The following EFCAB8 variants were observed in gnomAD, a reference collection of about 807,000 sequenced individuals.
EFCAB8 encodes EF-hand calcium binding domain 8, also known as EF-hand calcium-binding domain-containing protein 8.
Under a neutral mutation model 116.3 loss-of-function variants are expected in EFCAB8, and 100 were observed. That is an observed-to-expected ratio of 0.86 (90% confidence interval 0.73 to 1.02). EFCAB8 has a LOEUF of 1.02. EFCAB8 is among the 50% of genes least tolerant of loss of function. The pLI, the probability that EFCAB8 is intolerant of heterozygous loss-of-function variation, is 0.00. For missense variants in EFCAB8, 1,320 were observed against 1,416.9 expected, an observed-to-expected ratio of 0.93 and a Z score of 1.10; for synonymous variants, 558 against 567.9, an observed-to-expected ratio of 0.98 and a Z score of 0.25.
At chr20:32,918,720 G>T in intron 19 of EFCAB8, 146 bp downstream of exon 19, 1 of 791,596 alleles carries the variant, frequency 1.3e-6, no homozygotes, top group Non-Finnish European at 2.0e-6. Flanking sequence ...GAGCATTGTG[G>T]GCCTGGGCAG....
intron 4 of EFCAB8, 72 bp downstream of exon 4, chr20:32,876,116 G>A (rs1312990776): frequency 7.5e-7 from 1 of 1,328,326 alleles, no homozygotes; most frequent in Admixed American, 2.0e-5. Context: ...CCAGTTGGTG[G>A]GGCTGAAGAT....
chr20:32,923,974 C>G (rs41373347), intron 20 of EFCAB8, among the ~76,000 whole-genome samples: 12,633 of 152,214 alleles, frequency 0.083, 692 homozygotes, highest in Admixed American at 0.14. Flanking sequence ...CTTTTGCTAT[C>G]TTGCATTATG....
intron 13 of EFCAB8, among the ~76,000 whole-genome samples, chr20:32,907,349 C>T (rs1195031451): frequency 2.0e-5 from 3 of 151,016 alleles, no homozygotes; most frequent in Non-Finnish European, 4.4e-5. Flanking sequence ...GCATGGCAGC[C>T]GTTCCCCTGC....
chr20:32,945,850 T>C (rs1988581073), intron 23 of EFCAB8, among the ~76,000 whole-genome samples: 1 of 152,214 alleles, frequency 6.6e-6, no homozygotes, highest in African/African-American at 2.4e-5. Flanking sequence ...TACAGGAATC[T>C]ACAGGTTTAT....
chr20:32,864,704 G>T (rs1479723274), intron 2 of EFCAB8, among the ~76,000 whole-genome samples: 1 of 152,174 alleles, frequency 6.6e-6, no homozygotes, highest in East Asian at 1.9e-4. Flanking sequence ...GATAATAGTG[G>T]GATGGGCTGT....
At chr20:32,869,464 G>C (rs1301134769) in intron 3 of EFCAB8, among the ~76,000 whole-genome samples, 1 of 152,110 alleles carries the variant, frequency 6.6e-6, no homozygotes, top group East Asian at 1.9e-4. Flanking sequence ...TCGAGCTCCC[G>C]ACCTCAGGTG....
rs929950744 is a variant in EFCAB8, at chr20:32,930,594, G to A, written c.2609G>A (p.Gly870Glu). Residue 870 changes from glycine to glutamate, a missense_variant, in exon 21 of 27, where the codon GGG (glycine) becomes GAG (glutamate). Physicochemically the swap from Gly to Glu is moderately conservative, Grantham distance 98. Transcript: ENST00000400522. ...AAAAATGACTGGATCCTCATCACGGGGGATTGTAAAGGATACATCAAGGTG... is the reference window on the plus strand; with the variant it reads ...AAAAATGACTGGATCCTCATCACGGAGGATTGTAAAGGATACATCAAGGTG... ...TDKNDWILITGDCKGYIKIWD... is the reference protein window; with the variant it reads ...TDKNDWILITEDCKGYIKIWD... 3.2e-6 allele frequency: 5 copies of A among 1,552,180 alleles called. No individual in the cohort carries two copies. In the African/African-American group the frequency reaches 6.8e-5, roughly 21 times the overall value.
Position 32,931,340 on chromosome 20 carries a change from G to C in EFCAB8, c.2790+4G>C. 6.5e-7 allele frequency: 1 copy of C among 1,536,068 alleles called. No individual in the cohort carries two copies. The highest frequency in any genetic ancestry group is 1.2e-5 in the South Asian group (1 of 80,536). On this transcript the variant is annotated splice_donor_region_variant and intron_variant, in intron 22 of 26. Transcript: ENST00000400522. The stretch of plus-strand genomic sequence containing the variant: ...CATTCCCTTGGAGGATAAAGAGGTA[G>C]GAGGATTACTGGAGAGTTGCTCAGG...
chr20:32,874,801 C>A (rs929126737), intron 3 of EFCAB8, among the ~76,000 whole-genome samples: 2 of 152,134 alleles, frequency 1.3e-5, no homozygotes, highest in Non-Finnish European at 2.9e-5. Flanking sequence ...GGCTGGAGTG[C>A]GTTGGTGTGA....
chr20:32,958,784 A>G (rs1989050304), intron 24 of EFCAB8, among the ~76,000 whole-genome samples: 1 of 152,200 alleles, frequency 6.6e-6, no homozygotes, highest in Non-Finnish European at 1.5e-5. Context: ...TGAGCAGTGA[A>G]AGGGGAAAAT....
At chr20:32,930,325 T>A (rs1012346263) in intron 20 of EFCAB8, 73 bp from the exon 21 acceptor site, 34 of 1,300,940 alleles carry the variant, frequency 2.6e-5, no homozygotes, top group Non-Finnish European at 3.3e-5. Context: ...GTGTGGTGAC[T>A]TGCTGAGGTC....
chr20:32,893,220 A>G lies in EFCAB8; in HGVS notation c.805A>G (p.Asn269Asp). The stretch of plus-strand genomic sequence containing the variant: ...GTTCTGCTATGGAGACGCCAAAGGC[A>G]ACGTCATTGTCTTCACCTCCGAAAA... The part of the protein sequence containing the change: ...GVFCYGDAKG[N>D]VIVFTSENMT... Residue 269 changes from asparagine (N) to aspartate (D), a missense_variant, in exon 9 of 27, where the codon AAC becomes GAC. Physicochemically the swap from Asn to Asp is conservative, Grantham distance 23. Coordinates refer to ENST00000400522, the MANE Select transcript of EFCAB8 (RefSeq NM_001143967.2). The G allele has an allele frequency of 6.4e-7, 1 of 1,552,056 alleles. No individual in the cohort carries two copies. Among genetic ancestry groups the G allele is most frequent in the Non-Finnish European group, 8.7e-7 (1 of 1,147,076 alleles).
intron 11 of EFCAB8, among the ~76,000 whole-genome samples, chr20:32,903,114 G>A (rs144079386): frequency 6.7e-4 from 102 of 152,312 alleles, no homozygotes; most frequent in Middle Eastern, 3.4e-3. Context: ...AGCCTTCAAC[G>A]GCTCCTGGCC....
intron 23 of EFCAB8, among the ~76,000 whole-genome samples, chr20:32,956,728 GT>G (rs770361014): frequency 5.9e-5 from 9 of 152,058 alleles, no homozygotes; most frequent in Non-Finnish European, 1.2e-4. Flanking sequence ...TGACTATGAT[GT>G]GCGTAAGTGT....
At chr20:32,860,030 C>T (rs1052765931) in intron 1 of EFCAB8, among the ~76,000 whole-genome samples, 3 of 152,124 alleles carry the variant, frequency 2.0e-5, no homozygotes, top group Non-Finnish European at 2.9e-5. Context: ...TTTGGCCAGG[C>T]GCGGTGACTC....
In EFCAB8 at chr20:32,885,525, T is replaced by G; in HGVS notation, c.452T>G (p.Val151Gly). The G allele has an allele frequency of 6.4e-7, 1 of 1,551,658 alleles. No homozygotes were observed. The highest frequency in any genetic ancestry group is 8.7e-7 in the Non-Finnish European group (1 of 1,146,988). ...VVPLNHGCEV[V>G]KVVFLIHRFK... is the part of the protein sequence containing the mutation. Reference sequence around the variant, plus strand: ...CACAGGAACCATGGCTGTGAGGTGGTGAAGGTGGTGTTTTTAATCCACCGG... The same window carrying G: ...CACAGGAACCATGGCTGTGAGGTGGGGAAGGTGGTGTTTTTAATCCACCGG... Residue 151 changes from valine (V) to glycine (G), a missense_variant, in exon 6 of 27, where the codon GTG (valine) becomes GGG (glycine). Physicochemically the swap from Val to Gly is moderately radical, Grantham distance 109. Coordinates refer to ENST00000400522, the MANE Select transcript of EFCAB8 (RefSeq NM_001143967.2).
chr20:32,875,501 G>GTTTTTTTTTTTTTTTTTTTT, intron 3 of EFCAB8, among the ~76,000 whole-genome samples: 2 of 78,150 alleles, frequency 2.6e-5, no homozygotes, highest in Non-Finnish European at 3.7e-5. Flanking sequence ...TAAACATGGT[G>GTTTTTTTTTTTTTTTTTTTT]GTTTTTTTTT....
At chr20:32,874,379 C>T (rs8121390) in intron 3 of EFCAB8, among the ~76,000 whole-genome samples, 4,622 of 151,934 alleles carry the variant, frequency 0.03, 204 homozygotes, top group African/African-American at 0.097. Flanking sequence ...CACGCCACTA[C>T]ACCTGGCTAA....
At chr20:32,906,777 C>T in intron 12 of EFCAB8, 66 bp from the exon 13 acceptor site, 1 of 825,660 alleles carries the variant, frequency 1.2e-6, no homozygotes, top group Non-Finnish European at 2.1e-6. Context: ...CTGGGCACCA[C>T]CTTCACCAGT....
Sources: gnomAD v4.1 joint callset for allele counts (sites outside exome capture counted in the v4.1 genomes callset) on GRCh38, gnomAD v4.1.1 for gene constraint, MANE v1.5 for transcripts, NCBI Gene and HGNC (gene_info 2026-07-23, HGNC 2026-07-21) for gene names.